The following FRG1 variants were observed in gnomAD, a reference collection of about 807,000 sequenced individuals.
The protein encoded by FRG1 is FSHD region gene 1.
A neutral mutation model predicts 37.0 loss-of-function variants in FRG1; 19 were observed. That is an observed-to-expected ratio of 0.51 (90% confidence interval 0.36 to 0.75). The LOEUF (loss-of-function observed/expected upper bound fraction) is 0.75. Among genes scored for constraint, FRG1 ranks in the 30% least tolerant of loss-of-function variants. The probability of loss-of-function intolerance (pLI) is 0.00; values close to 1 mark genes in which losing one functional copy is unlikely to be tolerated. For synonymous variants in FRG1, 73 were observed against 96.5 expected (o/e 0.76, Z 1.43); for missense variants, 243 against 301.4 (o/e 0.81, Z 1.44).
At chr4:189,943,594 CT>C (rs1243045144) in intron 2 of FRG1, among the ~76,000 whole-genome samples, 1 of 152,156 alleles carries the variant, frequency 6.6e-6, no homozygotes, top group African/African-American at 2.4e-5. Flanking sequence ...AAGTTATTTT[CT>C]TTGCACATGT....
chr4:189,956,539 C>T (rs1468445206), intron 5 of FRG1, among the ~76,000 whole-genome samples: 3 of 152,146 alleles, frequency 2.0e-5, no homozygotes, highest in East Asian at 1.9e-4. Context: ...AGGTTTAAAT[C>T]GTCTTGGACC....
chr4:189,941,092 G>A, intron 1 of FRG1, 21 bp downstream of exon 1: 1 of 1,608,786 alleles, frequency 6.2e-7, no homozygotes, highest in South Asian at 1.1e-5. Context: ...CAGCTTGGGC[G>A]GGAGCCTCCT....
At chr4:189,962,938 A>G (rs142874602) in intron 8 of FRG1, among the ~76,000 whole-genome samples, 155 bp from the exon 9 acceptor site, 1 of 152,258 alleles carries the variant, frequency 6.6e-6, no homozygotes, top group African/African-American at 2.4e-5. Context: ...CATTTTTTAT[A>G]GAAACCAAAT....
intron 1 of FRG1, among the ~76,000 whole-genome samples, chr4:189,941,290 C>G (rs76680577): frequency 6.6e-6 from 1 of 152,148 alleles, no homozygotes; most frequent in Non-Finnish European, 1.5e-5. Flanking sequence ...ACAGGATAGA[C>G]GGGCAGGTGA....
In FRG1 at chr4:189,943,267, T is replaced by G. The variant is rs1001928762; in HGVS notation, c.128T>G (p.Ile43Ser). 6.2e-7 allele frequency: 1 copy of G among 1,607,478 alleles called. No homozygotes were observed. ...REEDEETQLD[I>S]VGIWWTVTNF... ...GAAGATGAAGAAACCCAGCTTGATA[T>G]TGTTGGTGAGTCAGTTTTCAGTGCT... Residue 43 changes from isoleucine (I) to serine (S), a missense_variant, in exon 2 of 9, where the codon ATT becomes AGT. Physicochemically the swap from Ile to Ser is moderately radical, Grantham distance 142. Around this residue, in one of 2 missense-constraint regions of FRG1, gnomAD observed 110 missense variants for 102.2 expected, o/e 1.08. Transcript: ENST00000226798.
rs1355698370 is a variant in FRG1, at chr4:189,960,839, T to C, written c.629T>C (p.Val210Ala). 1.2e-6 allele frequency: 2 copies of C among 1,604,652 alleles called. No homozygotes were observed. Among genetic ancestry groups the C allele is most frequent in the Admixed American group, 1.7e-5 (1 of 58,072 alleles). Residue 210 changes from valine to alanine, a missense_variant and splice_region_variant, in exon 7 of 9, where the codon GTA (valine) becomes GCA (alanine). By Grantham distance (64) the Val-to-Ala change is moderately conservative. Around this residue, in one of 2 missense-constraint regions of FRG1, gnomAD observed 133 missense variants for 199.3 expected, o/e 0.67. Transcript: ENST00000226798. ...GNVKQCEINY[V>A]KKFQSFQDHK... ...GTAAAACAATGTGAAATCAATTATG[T>C]GTATGTATTCTTTTCCTTTTAGACC... is the stretch of plus-strand genomic sequence containing the variant.
chr4:189,960,966 G>C, intron 7 of FRG1, 127 bp downstream of exon 7: 1 of 1,028,156 alleles, frequency 9.7e-7, no homozygotes, highest in Non-Finnish European at 1.4e-6. Flanking sequence ...TACTCGGGAG[G>C]CTGAGACAGG....
chr4:189,945,945 G>T (rs577645479), intron 2 of FRG1, among the ~76,000 whole-genome samples: 4 of 151,970 alleles, frequency 2.6e-5, no homozygotes, highest in Non-Finnish European at 5.9e-5. Flanking sequence ...TTTTTTAAGA[G>T]ATATTTTCAG....
In FRG1 at chr4:189,940,912, C is replaced by G. The variant is rs200211436; in HGVS notation, c.-98C>G. 9.0e-6 allele frequency: 8 copies of G among 885,682 alleles called. No homozygotes were observed. Among genetic ancestry groups the G allele is most frequent in the Admixed American group, 2.1e-5 (1 of 47,462 alleles). 54.9% of individuals were successfully genotyped at this position (885,682 alleles called of 1,614,324 possible). On this transcript the variant is annotated 5_prime_UTR_variant, in exon 1 of 9. Transcript: ENST00000226798. ...GTAGGCTGTCAGGGAGTGTTTATTT[C>G]GCGTCCGCTTCTGTTTCTCCGCGCC... is the stretch of plus-strand genomic sequence containing the variant.
At chr4:189,953,898 A>G (rs1465386676) in intron 4 of FRG1, among the ~76,000 whole-genome samples, 1 of 152,210 alleles carries the variant, frequency 6.6e-6, no homozygotes, top group Non-Finnish European at 1.5e-5. Context: ...TATAAACAAA[A>G]AAGGATTATA....
chr4:189,947,944 T>G (rs1462206026), intron 2 of FRG1, among the ~76,000 whole-genome samples: 1 of 152,224 alleles, frequency 6.6e-6, no homozygotes, highest in Non-Finnish European at 1.5e-5. Flanking sequence ...CCTCCAGTGT[T>G]TTCCTGTTCT....
At chr4:189,962,389 A>T (rs1737274095) in intron 8 of FRG1, among the ~76,000 whole-genome samples, 1 of 152,200 alleles carries the variant, frequency 6.6e-6, no homozygotes, top group South Asian at 2.1e-4. Flanking sequence ...ATCATACCAC[A>T]TTATTAATAT....
At chr4:189,943,933 A>C (rs569264852) in intron 2 of FRG1, among the ~76,000 whole-genome samples, 1 of 152,326 alleles carries the variant, frequency 6.6e-6, no homozygotes, top group African/African-American at 2.4e-5. Flanking sequence ...CAAATCAACA[A>C]TTCTAAAATT....
chr4:189,952,843 G>A (rs200094694), intron 3 of FRG1, among the ~76,000 whole-genome samples: 1 of 152,362 alleles, frequency 6.6e-6, no homozygotes, highest in East Asian at 1.9e-4. Context: ...TATTAAATAA[G>A]CATTATATCA....
In FRG1 at chr4:189,953,121, T is replaced by G; in HGVS notation, c.313T>G (p.Ser105Ala). ...EQFTAVKLSD[S>A]RIALKSGYGK... Reference sequence around the variant, plus strand: ...GTTTACGGCTGTCAAATTATCTGATTCCAGGTGAGCTTATGTTGTAATATA... The same window carrying G: ...GTTTACGGCTGTCAAATTATCTGATGCCAGGTGAGCTTATGTTGTAATATA... Residue 105 changes from serine (S) to alanine (A), a missense_variant, in exon 4 of 9, where the codon TCC becomes GCC. Transcript: ENST00000226798. The G allele has an allele frequency of 6.3e-7, 1 of 1,586,624 alleles. No homozygotes were observed. The highest frequency in any genetic ancestry group is 8.6e-7 in the Non-Finnish European group (1 of 1,168,298).
intron 6 of FRG1, among the ~76,000 whole-genome samples, chr4:189,958,750 A>C (rs1737097578): frequency 6.6e-6 from 1 of 150,724 alleles, no homozygotes; most frequent in Non-Finnish European, 1.5e-5. Flanking sequence ...CAAGTAGTTA[A>C]TTGGAATCTG....
At chr4:189,945,918 T>C (rs1238214968) in intron 2 of FRG1, among the ~76,000 whole-genome samples, 1 of 152,192 alleles carries the variant, frequency 6.6e-6, no homozygotes, top group Non-Finnish European at 1.5e-5. Flanking sequence ...TTTTAGTTTT[T>C]TGTGGGAAAA....
intron 2 of FRG1, among the ~76,000 whole-genome samples, chr4:189,947,321 C>T (rs2411531): frequency 1.8e-5 from 1 of 54,192 alleles, no homozygotes. Context: ...ATTTTGAAGC[C>T]GTCATGTGTA....
At chr4:189,948,302 AT>A (rs1736613793) in intron 2 of FRG1, among the ~76,000 whole-genome samples, 1 of 152,242 alleles carries the variant, frequency 6.6e-6, no homozygotes, top group African/African-American at 2.4e-5. Context: ...CAAGTGTGAC[AT>A]TAATAAAAAC....
Sources: gnomAD v4.1 joint callset for allele counts (sites outside exome capture counted in the v4.1 genomes callset) on GRCh38, gnomAD v4.1.1 for gene constraint, gnomAD v4.1.1 regional missense constraint, MANE v1.5 for transcripts, NCBI Gene and HGNC (gene_info 2026-07-23, HGNC 2026-07-21) for gene names.